Variants in PIK3C2G observed in about 807,000 individuals in gnomAD.
PIK3C2G encodes phosphatidylinositol-4-phosphate 3-kinase catalytic subunit type 2 gamma.
In PIK3C2G, 168 loss-of-function variants were observed where a neutral mutation model predicts 181.1. That is an observed-to-expected ratio of 0.93 (90% CI 0.82 to 1.05). The LOEUF (loss-of-function observed/expected upper bound fraction) is 1.05, where lower values mean the gene tolerates loss of function less well. PIK3C2G is among the 50% of genes least tolerant of loss of function. The pLI, the probability that PIK3C2G is intolerant of heterozygous loss-of-function variation, is 0.00. For missense variants in PIK3C2G, 1,869 were observed against 1,732.8 expected, an observed-to-expected ratio of 1.08 and a Z score of -1.40; for synonymous variants, 573 against 592.2, an observed-to-expected ratio of 0.97 and a Z score of 0.47.
intron 18 of PIK3C2G, among the ~76,000 whole-genome samples, chr12:18,486,377 CA>C (rs1276535331): frequency 2.0e-5 from 3 of 152,094 alleles, no homozygotes; most frequent in African/African-American, 7.2e-5. Context: ...AGCAAGGAAT[CA>C]AACTGAGTTT....
At chr12:18,554,866 G>T (rs1182638701) in intron 26 of PIK3C2G, among the ~76,000 whole-genome samples, 2 of 152,032 alleles carry the variant, frequency 1.3e-5, no homozygotes, top group Non-Finnish European at 2.9e-5. Flanking sequence ...GATTAAGAGT[G>T]ACTTGTAAAG....
At chr12:18,248,246 A>G (rs1185676939) in intron 1 of PIK3C2G, among the ~76,000 whole-genome samples, 1 of 152,146 alleles carries the variant, frequency 6.6e-6, no homozygotes, top group African/African-American at 2.4e-5. Context: ...CAACTAAAAT[A>G]TGTTTTACCT....
intron 1 of PIK3C2G, among the ~76,000 whole-genome samples, chr12:18,273,161 T>C (rs1304942117): frequency 1.3e-5 from 2 of 152,202 alleles, no homozygotes; most frequent in African/African-American, 4.8e-5. Flanking sequence ...CAGTCACTTA[T>C]ATGATTAACA....
chr12:18,300,572 A>G (rs1200988756), intron 5 of PIK3C2G, among the ~76,000 whole-genome samples: 1 of 152,056 alleles, frequency 6.6e-6, no homozygotes, highest in Non-Finnish European at 1.5e-5. Flanking sequence ...CCATTCAACC[A>G]ATCTGTATCT....
chr12:18,314,001 TA>T lies in PIK3C2G; in HGVS notation c.1077del (p.Lys359AsnfsTer31). ...LGSHKMFQKDKSVIQLHLQKS... is the reference protein window; with the variant it reads ...LGSHKMFQKDXSVIQLHLQKS... Reference sequence around the variant, plus strand: ...GGAGCCACAAAATGTTTCAAAAAGATAAATCTGTTATTCAGCTCCACCTGCA... The same window carrying T: ...GGAGCCACAAAATGTTTCAAAAAGATAATCTGTTATTCAGCTCCACCTGCA... On this transcript the variant is annotated frameshift_variant, in exon 6 of 33. Transcript: ENST00000538779. LOFTEE classifies it high-confidence loss of function. The T allele has an allele frequency of 6.3e-7, 1 of 1,592,042 alleles. No homozygotes were observed. The highest frequency in any genetic ancestry group is 8.6e-7 in the Non-Finnish European group (1 of 1,168,200).
intron 8 of PIK3C2G, among the ~76,000 whole-genome samples, chr12:18,325,554 AAAAATTAGCTG>A (rs1951302474): frequency 6.6e-6 from 1 of 151,986 alleles, no homozygotes; most frequent in Non-Finnish European, 1.5e-5. Flanking sequence ...TAAAAAATAC[AAAAATTAGCTG>A]GGCGTGGTAG....
downstream of PIK3C2G, among the ~76,000 whole-genome samples, chr12:18,650,666 G>GTA (rs1950412135): frequency 8.6e-5 from 2 of 23,330 alleles, no homozygotes; most frequent in Admixed American, 6.7e-4. Flanking sequence ...GAATATAAAT[G>GTA]TGTGTGTGTG....
chr12:18,611,014 T>A (rs746648430), intron 31 of PIK3C2G, among the ~76,000 whole-genome samples: 2 of 152,078 alleles, frequency 1.3e-5, no homozygotes, highest in African/African-American at 2.4e-5. Context: ...CACTCCTAGT[T>A]TTTGATCAGA....
chr12:18,662,308 A>ATAAAG, the PIK3C2G span, among the ~76,000 whole-genome samples: 78,998 of 151,612 alleles, frequency 0.52, 21,711 homozygotes, highest in South Asian at 0.67. Context: ...ACCTCTAAAC[A>ATAAAG]TAAAGGTTTT....
At chr12:18,267,489 T>C (rs1948554002) in intron 1 of PIK3C2G, among the ~76,000 whole-genome samples, 2 of 152,334 alleles carry the variant, frequency 1.3e-5, no homozygotes, top group Non-Finnish European at 2.9e-5. Flanking sequence ...TTGCAGAATA[T>C]TTGCACATCT....
At chr12:18,555,162 CA>C (rs755265456) in intron 26 of PIK3C2G, among the ~76,000 whole-genome samples, 2 of 152,052 alleles carry the variant, frequency 1.3e-5, no homozygotes, top group Non-Finnish European at 2.9e-5. Context: ...ATCCAACTGC[CA>C]AATATATGAA....
At chr12:18,246,085 A>G (rs934644013), upstream of PIK3C2G, among the ~76,000 whole-genome samples, 2 of 152,140 alleles carry the variant, frequency 1.3e-5, no homozygotes, top group Admixed American at 1.3e-4. Flanking sequence ...CTTTATCTCA[A>G]TTTGAGCCCT....
chr12:18,562,708 TAAAGG>T lies in PIK3C2G; in HGVS notation c.3601_3605del (p.Glu1201SerfsTer7), dbSNP rs761114683. On this transcript the variant is annotated frameshift_variant, in exon 27 of 33. Transcript: ENST00000538779. LOFTEE classifies it high-confidence loss of function. ...TTTCTTTTACATTTCTCTAGGAAAA[TAAAGG>T]AAAGTCTGGAGTGTTTCCCTGTTAA... 116 of 1,575,444 alleles carry T rather than the reference TAAAGG, an allele frequency of 7.4e-5. No individual in the cohort carries two copies. Among genetic ancestry groups the T allele is most frequent in the Middle Eastern group, 5.0e-4 (3 of 6,014 alleles).
chr12:18,261,947 T>C (rs972021347), intron 1 of PIK3C2G, among the ~76,000 whole-genome samples: 3 of 152,146 alleles, frequency 2.0e-5, no homozygotes. Flanking sequence ...CTGGTAGATT[T>C]TTCTTAGTGT....
At chr12:18,367,586 C>A (rs1328884392) in intron 12 of PIK3C2G, among the ~76,000 whole-genome samples, 2 of 151,922 alleles carry the variant, frequency 1.3e-5, no homozygotes, top group African/African-American at 4.8e-5. Flanking sequence ...TGGAGTTTCA[C>A]TCTTGTTGCC....
chr12:18,348,025 G>GTATA (rs1170009940), intron 11 of PIK3C2G, among the ~76,000 whole-genome samples: 1 of 151,752 alleles, frequency 6.6e-6, no homozygotes, highest in African/African-American at 2.4e-5. Context: ...AAGGGCCGAT[G>GTATA]TATAGTAAAA....
chr12:18,389,926 TA>T (rs891289012), intron 14 of PIK3C2G, among the ~76,000 whole-genome samples: 7 of 152,192 alleles, frequency 4.6e-5, no homozygotes, highest in African/African-American at 1.7e-4. Context: ...ACTAACTCAT[TA>T]AGAGCTATTT....
At chr12:18,273,738 C>A (rs1482677958) in intron 1 of PIK3C2G, among the ~76,000 whole-genome samples, 1 of 152,020 alleles carries the variant, frequency 6.6e-6, no homozygotes, top group Non-Finnish European at 1.5e-5. Context: ...CAGGACATAG[C>A]CATGGGCAAG....
chr12:18,349,715 C>T (rs1940030930), intron 11 of PIK3C2G, among the ~76,000 whole-genome samples: 1 of 152,032 alleles, frequency 6.6e-6, no homozygotes, highest in Non-Finnish European at 1.5e-5. Context: ...ATAAATTTAT[C>T]GTTTTGTGTA....
Sources: gnomAD v4.1 joint callset for allele counts (sites outside exome capture counted in the v4.1 genomes callset) on GRCh38, gnomAD v4.1.1 for gene constraint, MANE v1.5 for transcripts, NCBI Gene and HGNC (gene_info 2026-07-23, HGNC 2026-07-21) for gene names.